PDE10A: variants seen among roughly 807,000 people sequenced by gnomAD.
PDE10A encodes the protein cAMP and cAMP-inhibited cGMP 3',5'-cyclic phosphodiesterase 10A.
Under a neutral mutation model 97.7 loss-of-function variants are expected in PDE10A, and 39 were observed. That is an observed-to-expected ratio of 0.40 (90% CI 0.31 to 0.52). The LOEUF is 0.52. Ranked by LOEUF, PDE10A falls within the 20% of genes least tolerant of loss-of-function variation. The pLI is 0.56. For synonymous variants in PDE10A, 371 were observed against 376.8 expected (o/e 0.98, Z 0.18); for missense variants, 731 against 1,047.8 (o/e 0.70, Z 4.17).
Position 165,661,092 on chromosome 6 carries a change from C to G in PDE10A, c.865+855G>C, listed in dbSNP as rs1790230850. On this transcript the variant is annotated intron_variant, in intron 1 of 21. Coordinates refer to ENST00000539869, the MANE Select transcript of PDE10A (RefSeq NM_001385079.1). The surrounding 1 kb of genome is among the most constrained non-coding windows in gnomAD (Gnocchi z 4.8). Reference sequence around the variant, plus strand: ...GACTTTTCTGCTCAATCTTGTCCCCCACCCCCGTGACATGCCTTTCTGCCA... The same window carrying G: ...GACTTTTCTGCTCAATCTTGTCCCCGACCCCCGTGACATGCCTTTCTGCCA... The G allele has an allele frequency of 6.5e-6, 1 of 152,780 alleles. No individual in the cohort carries two copies. The allele number at this position is 152,780 out of a possible 1,614,324, so 9.5% of individuals were successfully genotyped here. A position where few individuals can be genotyped will look rare whatever the true frequency, so the allele number is the denominator to read the frequency against.
At chr6:165,777,851 T>C (rs1778231898) in intron 1 of PDE10A, among the ~76,000 whole-genome samples, 1 of 152,154 alleles carries the variant, frequency 6.6e-6, no homozygotes, top group Non-Finnish European at 1.5e-5. Flanking sequence ...TGGTGTCTGC[T>C]GGCCTGCTCC....
chr6:165,528,358 C>T (rs2128313143), intron 2 of PDE10A, among the ~76,000 whole-genome samples: 1 of 152,266 alleles, frequency 6.6e-6, no homozygotes, highest in Middle Eastern at 3.4e-3. Context: ...CCCTATGGGC[C>T]AATGAACAAA....
At chr6:165,677,754 A>G (rs996302352) in intron 1 of PDE10A, among the ~76,000 whole-genome samples, 3 of 152,046 alleles carry the variant, frequency 2.0e-5, no homozygotes, top group African/African-American at 7.2e-5. Flanking sequence ...ATTTGTGTTC[A>G]TATGCGTAAT....
intron 1 of PDE10A, chr6:165,940,070 T>C (rs1783459219): frequency 6.6e-6 from 1 of 152,364 alleles, no homozygotes; most frequent in East Asian, 1.9e-4. Context: ...CCTTACACCG[T>C]GACAATGACT....
chr6:165,864,911 G>C (rs1780998729), intron 1 of PDE10A, among the ~76,000 whole-genome samples: 1 of 152,198 alleles, frequency 6.6e-6, no homozygotes, highest in Non-Finnish European at 1.5e-5. Flanking sequence ...CATGGTCCAA[G>C]TAAGTTAAAA....
In PDE10A at chr6:165,662,910, G is replaced by A. The variant is rs1420690783; in HGVS notation, c.-99C>T. ...GCCCCCGCAGGACCTGCCCACCCCTGCCGGCCGCCCGAACCGCTGCCTGGT... is the reference window on the plus strand; with the variant it reads ...GCCCCCGCAGGACCTGCCCACCCCTACCGGCCGCCCGAACCGCTGCCTGGT... On this transcript the variant is annotated 5_prime_UTR_variant, in exon 1 of 22. Transcript: ENST00000539869. Among the ~76,000 whole-genome samples, 2 of 151,200 alleles carry A rather than the reference G, an allele frequency of 1.3e-5. No homozygotes were observed. Among genetic ancestry groups the A allele is most frequent in the African/African-American group, 4.8e-5 (2 of 41,300 alleles).
chr6:165,432,914 G>A (rs1037604785), intron 7 of PDE10A, 60 bp downstream of exon 7: 13 of 1,233,454 alleles, frequency 1.1e-5, no homozygotes, highest in Non-Finnish European at 1.4e-5. Context: ...ATACTAACAA[G>A]CACCTTCAAT....
At chr6:165,663,257 C>G (rs1342462003), upstream of PDE10A, among the ~76,000 whole-genome samples, 3 of 147,934 alleles carry the variant, frequency 2.0e-5, no homozygotes, top group African/African-American at 7.8e-5. Context: ...AGCAGGCGCT[C>G]CCCACGCCGC....
chr6:165,602,000 T>C (rs544924003), intron 1 of PDE10A, among the ~76,000 whole-genome samples: 4 of 152,330 alleles, frequency 2.6e-5, no homozygotes, highest in African/African-American at 9.6e-5. Context: ...GATCAGGATA[T>C]ACTAAGCAAA....
At chr6:165,398,485 C>T (rs1357888744) in intron 13 of PDE10A, among the ~76,000 whole-genome samples, 1 of 100,468 alleles carries the variant, frequency 1.0e-5, no homozygotes, top group East Asian at 2.2e-4. Context: ...AAGACTCTCT[C>T]TCTCTCTCTC....
chr6:165,556,118 T>C (rs1784240583), intron 1 of PDE10A, among the ~76,000 whole-genome samples: 1 of 152,206 alleles, frequency 6.6e-6, no homozygotes, highest in Non-Finnish European at 1.5e-5. Flanking sequence ...GATAAGGCTT[T>C]TCTGTCAACA....
intron 1 of PDE10A, among the ~76,000 whole-genome samples, chr6:165,907,459 C>T (rs114461558): frequency 0.011 from 1,678 of 152,382 alleles, 27 homozygotes; most frequent in African/African-American, 0.036. Context: ...TTCAGAGACA[C>T]TCTCTGTGCA....
At chr6:165,844,059 A>G (rs1003335415) in intron 1 of PDE10A, among the ~76,000 whole-genome samples, 26 of 152,174 alleles carry the variant, frequency 1.7e-4, no homozygotes, top group African/African-American at 6.0e-4. Flanking sequence ...CAAAGGAGGC[A>G]GGTGTGGGGT....
At chr6:165,608,972 A>G (rs1326666448) in intron 1 of PDE10A, among the ~76,000 whole-genome samples, 1 of 151,828 alleles carries the variant, frequency 6.6e-6, no homozygotes, top group Admixed American at 6.6e-5. Flanking sequence ...TTTTTCTTGT[A>G]AATTTGTTTG....
intron 1 of PDE10A, among the ~76,000 whole-genome samples, chr6:165,818,279 TGAA>T (rs908342238): frequency 2.6e-5 from 4 of 152,188 alleles, no homozygotes; most frequent in African/African-American, 9.7e-5. Context: ...GAGAAACTGA[TGAA>T]GGAGGCTGAG....
chr6:165,420,853 T>C (rs1288215607), intron 10 of PDE10A, among the ~76,000 whole-genome samples: 2 of 152,170 alleles, frequency 1.3e-5, no homozygotes, highest in Non-Finnish European at 2.9e-5. Flanking sequence ...CTGATCTACA[T>C]TCAGAAAAGA....
rs527392067 is a variant in PDE10A, at chr6:165,836,046, T to G, written c.-615+151483A>C. On this transcript the variant is annotated intron_variant, in intron 1 of 19. Transcript: ENST00000366882. ...ATCTTGTCACAGTGCTCAAACATTT[T>G]GCCCAATCTAAAACGCTTTCGCTGT... 8.9e-4 allele frequency among the ~76,000 whole-genome samples: 136 copies of G among 152,330 alleles called. 1 individual carries two copies. Among genetic ancestry groups the G allele is most frequent in the Non-Finnish European group, 6.3e-4 (43 of 68,030 alleles).
At chr6:165,782,392 T>C (rs1778363426) in intron 1 of PDE10A, among the ~76,000 whole-genome samples, 4 of 152,204 alleles carry the variant, frequency 2.6e-5, no homozygotes, top group Admixed American at 2.6e-4. Context: ...TAAATCACTC[T>C]CAAACCTCGT....
At chr6:165,891,689 G>A (rs1781803592) in intron 1 of PDE10A, among the ~76,000 whole-genome samples, 1 of 148,268 alleles carries the variant, frequency 6.7e-6, no homozygotes, top group Admixed American at 6.8e-5. Flanking sequence ...CAGTGTTGTC[G>A]TTATTGTTAT....
Sources: gnomAD v4.1 joint callset for allele counts (sites outside exome capture counted in the v4.1 genomes callset) on GRCh38, gnomAD v4.1.1 for gene constraint, Gnocchi (gnomAD v3.1) non-coding constraint, MANE v1.5 for transcripts, NCBI Gene and HGNC (gene_info 2026-07-23, HGNC 2026-07-21) for gene names.